CBLN2: variants seen among roughly 807,000 people sequenced by gnomAD.
CBLN2 encodes cerebellin 2 precursor, also known as cerebellin-2.
In CBLN2, 7 loss-of-function variants were observed where a neutral mutation model predicts 15.0. The observed-to-expected ratio is 0.47, with a 90% CI of 0.27 to 0.88. The LOEUF (loss-of-function observed/expected upper bound fraction) is 0.88, where lower values mean the gene tolerates loss of function less well. Ranked by LOEUF, CBLN2 falls within the 40% of genes least tolerant of loss-of-function variation. The pLI, the probability that CBLN2 is intolerant of heterozygous loss-of-function variation, is 0.14. For missense variants in CBLN2, 242 were observed against 304.5 expected (o/e 0.79, Z 1.53); for synonymous variants, 149 against 135.2 (o/e 1.10, Z -0.71).
intron 1 of CBLN2, among the ~76,000 whole-genome samples, chr18:72,624,454 A>G (rs1328643122): frequency 2.0e-5 from 3 of 152,178 alleles, no homozygotes; most frequent in African/African-American, 4.8e-5. Context: ...AGCTTTGCCA[A>G]CATGGTAAAA....
At chr18:72,610,841 G>A in intron 1 of CBLN2, among the ~76,000 whole-genome samples, 1 of 152,116 alleles carries the variant, frequency 6.6e-6, no homozygotes, top group East Asian at 1.9e-4. Context: ...GATACAATTG[G>A]TCACTTGGGT....
chr18:72,619,280 G>A (rs1050156325), intron 1 of CBLN2: 5 of 708,188 alleles, frequency 7.1e-6, no homozygotes, highest in Admixed American at 4.2e-5. Context: ...TGACGGGGAA[G>A]CTACAGGTTA....
upstream of CBLN2, among the ~76,000 whole-genome samples, chr18:72,544,765 C>T (rs2069146445): frequency 6.6e-6 from 1 of 152,072 alleles, no homozygotes; most frequent in Non-Finnish European, 1.5e-5. Flanking sequence ...TAACAAACAA[C>T]TCTGCCAAGA....
chr18:72,619,638 T>C (rs895588879), intron 1 of CBLN2, among the ~76,000 whole-genome samples: 3 of 152,218 alleles, frequency 2.0e-5, no homozygotes, highest in Non-Finnish European at 2.9e-5. Flanking sequence ...TAACCTTCTA[T>C]GGTTTGTACG....
At chr18:72,610,653 G>A (rs2069615672) in intron 1 of CBLN2, among the ~76,000 whole-genome samples, 1 of 152,116 alleles carries the variant, frequency 6.6e-6, no homozygotes, top group African/African-American at 2.4e-5. Context: ...AAATCAATAA[G>A]GAGCATCCCT....
At chr18:72,610,572 T>C (rs2069615172) in intron 1 of CBLN2, among the ~76,000 whole-genome samples, 1 of 152,170 alleles carries the variant, frequency 6.6e-6, no homozygotes. Flanking sequence ...TGTCTACTGC[T>C]GTAATCCCAG....
intron 1 of CBLN2, among the ~76,000 whole-genome samples, chr18:72,567,049 C>A (rs1489277913): frequency 6.6e-6 from 1 of 152,006 alleles, no homozygotes. Flanking sequence ...TCTGGAACTC[C>A]TAGGCTCAAG....
At chr18:72,595,996 T>A (rs900721648) in intron 1 of CBLN2, among the ~76,000 whole-genome samples, 1 of 152,104 alleles carries the variant, frequency 6.6e-6, no homozygotes, top group African/African-American at 2.4e-5. Flanking sequence ...TGTCTTTTGA[T>A]TGGAGAGTTT....
intron 1 of CBLN2, among the ~76,000 whole-genome samples, chr18:72,604,981 A>G (rs925686569): frequency 2.6e-5 from 4 of 152,360 alleles, no homozygotes; most frequent in African/African-American, 7.2e-5. Flanking sequence ...ATTCCTTCAG[A>G]CCTCAGCCTG....
chr18:72,598,039 G>A (rs1217946839), intron 1 of CBLN2, among the ~76,000 whole-genome samples: 5 of 152,180 alleles, frequency 3.3e-5, no homozygotes, highest in South Asian at 2.1e-4. Flanking sequence ...CTATACCACC[G>A]TGGCTGATCT....
intron 1 of CBLN2, among the ~76,000 whole-genome samples, chr18:72,568,458 G>A (rs2069310695): frequency 6.6e-6 from 1 of 152,004 alleles, no homozygotes; most frequent in African/African-American, 2.4e-5. Flanking sequence ...TTTCAATAGT[G>A]TGATGGAGTC....
chr18:72,628,439 A>G (rs1599030359), intron 1 of CBLN2, among the ~76,000 whole-genome samples: 1 of 152,326 alleles, frequency 6.6e-6, no homozygotes, highest in Non-Finnish European at 1.5e-5. Context: ...ATTCAGGACC[A>G]ATCACAGCCC....
intron 1 of CBLN2, among the ~76,000 whole-genome samples, chr18:72,576,448 C>G (rs1405110163): frequency 6.6e-6 from 1 of 152,100 alleles, no homozygotes; most frequent in Admixed American, 6.6e-5. Context: ...ATAATGAAAA[C>G]AGATAAAATA....
chr18:72,628,681 G>A (rs2069756294), intron 1 of CBLN2, among the ~76,000 whole-genome samples: 1 of 152,202 alleles, frequency 6.6e-6, no homozygotes, highest in African/African-American at 2.4e-5. Flanking sequence ...ATTGAAGGGG[G>A]AACTGTTTCA....
Position 72,541,900 on chromosome 18 carries a change from G to T in CBLN2, c.261C>A (p.Arg87=). 6.2e-7 allele frequency: 1 copy of T among 1,607,814 alleles called. No individual in the cohort carries two copies. Among genetic ancestry groups the T allele is most frequent in the Non-Finnish European group, 8.5e-7 (1 of 1,178,964 alleles). Residue 87 remains arginine, a synonymous_variant, in exon 3 of 5, where the codon CGC becomes CGA. Transcript: ENST00000269503. ...AGAAGGCCACCTTGGCGCTGCCGGAGCGCACGGAGATGCCTAGGGAGGAGG... is the reference window on the plus strand; with the variant it reads ...AGAAGGCCACCTTGGCGCTGCCGGATCGCACGGAGATGCCTAGGGAGGAGG... ...AVTSSLGISV[R]SGSAKVAFSA... is the part of the protein sequence containing the mutation.
At position 72,594,730 on chromosome 18, in the gene CBLN2, T is replaced by A. The variant is rs188105945; in HGVS notation, c.15+43595A>T. On this transcript the variant is annotated intron_variant, in intron 1 of 2. Coordinates refer to the CBLN2 transcript ENST00000581073. The stretch of plus-strand genomic sequence containing the variant: ...ATTACTTGTTGTTTGCCTACTTAGG[T>A]TTTAGATTTCTTCTTGTTTAAATCT... Among the ~76,000 whole-genome samples the A allele has an allele frequency of 3.6e-3, 542 of 152,208 alleles. 6 individuals carry two copies. The highest frequency in any genetic ancestry group is 0.012 in the African/African-American group (511 of 41,548).
At chr18:72,545,666 G>A (rs2069152738), upstream of CBLN2, among the ~76,000 whole-genome samples, 1 of 152,018 alleles carries the variant, frequency 6.6e-6, no homozygotes, top group African/African-American at 2.4e-5. Context: ...CCACCATAGA[G>A]AGAACTGATT....
intron 1 of CBLN2, among the ~76,000 whole-genome samples, chr18:72,550,631 T>C (rs1288928273): frequency 1.3e-5 from 2 of 152,112 alleles, no homozygotes; most frequent in Non-Finnish European, 2.9e-5. Flanking sequence ...CTTTCAAAAA[T>C]ACTAAAATAA....
chr18:72,574,484 C>T lies in CBLN2; in HGVS notation c.16-35712G>A, dbSNP rs1599006061. Among the ~76,000 whole-genome samples the T allele has an allele frequency of 2.6e-5, 4 of 152,080 alleles. No homozygotes were observed. In the South Asian group the frequency reaches 8.3e-4, roughly 32 times the overall value. Reference sequence around the variant, plus strand: ...GGGCTGTGGCCGAGAACAACATTAACTAAAATAATTATATCAAAAGCAGGG... The same window carrying T: ...GGGCTGTGGCCGAGAACAACATTAATTAAAATAATTATATCAAAAGCAGGG... On this transcript the variant is annotated intron_variant, in intron 1 of 2. Coordinates refer to the CBLN2 transcript ENST00000581073.
Sources: allele counts gnomAD v4.1 joint callset (sites outside exome capture counted in the v4.1 genomes callset), GRCh38; gene constraint gnomAD v4.1.1; transcripts MANE v1.5; gene names NCBI Gene and HGNC (gene_info 2026-07-23, HGNC 2026-07-21).